SNTA1: variants seen among roughly 807,000 people sequenced by gnomAD.
SNTA1 encodes the protein alpha-1-syntrophin.
SNTA1 carries 31 observed loss-of-function variants against 47.1 expected under a neutral mutation model. The observed-to-expected ratio is 0.66, with a 90% CI of 0.49 to 0.89. The LOEUF is 0.89. Ranked by LOEUF, SNTA1 falls within the 40% of genes least tolerant of loss-of-function variation. The probability of loss-of-function intolerance (pLI) is 0.00; values close to 1 mark genes in which losing one functional copy is unlikely to be tolerated. For synonymous variants in SNTA1, 300 were observed against 313.6 expected (o/e 0.96, Z 0.46); for missense variants, 575 against 693.0 (o/e 0.83, Z 1.91).
At position 33,410,273 on chromosome 20, in the gene SNTA1, C is replaced by A; in HGVS notation, c.1099G>T (p.Ala367Ser). The stretch of plus-strand genomic sequence containing the variant: ...CCGTGACGCGTGCCCGTGCGCAGGG[C>A]AAAAGAGAGCTCTGCATCGTAGGGC... ...SVPYDAELSF[A>S]LRTGTRHGVD... Residue 367 changes from alanine to serine, a missense_variant, in exon 6 of 8, where the codon GCC becomes TCC. Physicochemically the swap from Ala to Ser is moderately conservative, Grantham distance 99. Transcript: ENST00000217381. 6.2e-7 allele frequency: 1 copy of A among 1,612,338 alleles called. No homozygotes were observed. The highest frequency in any genetic ancestry group is 8.5e-7 in the Non-Finnish European group (1 of 1,179,698).
intron 2 of SNTA1, among the ~76,000 whole-genome samples, chr20:33,420,987 A>C (rs932983301): frequency 2.0e-5 from 3 of 151,616 alleles, no homozygotes; most frequent in Non-Finnish European, 4.4e-5. Flanking sequence ...CCGTCTCAAA[A>C]AAAAAAAAGA....
rs1190580612 is a variant in SNTA1 at position 33,408,764 on chromosome 20, C to T, written c.1362G>A (p.Gln454=). 1 of 1,614,100 alleles carries T rather than the reference C, an allele frequency of 6.2e-7. No homozygotes were observed. Among genetic ancestry groups the T allele is most frequent in the Non-Finnish European group, 8.5e-7 (1 of 1,180,050 alleles). Residue 454 remains glutamine, a synonymous_variant, in exon 7 of 8, where the codon CAG becomes CAA. Coordinates refer to ENST00000217381, the MANE Select transcript of SNTA1 (RefSeq NM_003098.3). The part of the protein sequence containing the change: ...VLLRQPFEKL[Q]MSSDDGASLL... ...GACTGGCACCGTCATCTGAAGACATCTGCAGCTTCTCGAAGGGCTGTCGCA... is the reference window on the plus strand; with the variant it reads ...GACTGGCACCGTCATCTGAAGACATTTGCAGCTTCTCGAAGGGCTGTCGCA...
intron 1 of SNTA1, among the ~76,000 whole-genome samples, chr20:33,442,985 T>G (rs1990613968): frequency 6.6e-6 from 1 of 152,002 alleles, no homozygotes; most frequent in South Asian, 2.1e-4. Context: ...CACACTCTGC[T>G]TTCCGGGGGA....
chr20:33,411,448 A>G (rs138126277), intron 5 of SNTA1, among the ~76,000 whole-genome samples: 138 of 151,966 alleles, frequency 9.1e-4, no homozygotes, highest in African/African-American at 3.2e-3. Flanking sequence ...GTGGTTTCCA[A>G]TGCCAATGCT....
chr20:33,433,086 C>T (rs291682), intron 2 of SNTA1, among the ~76,000 whole-genome samples: 91,004 of 151,158 alleles, frequency 0.6, 28,270 homozygotes, highest in South Asian at 0.69. Context: ...CCTGCCACCA[C>T]GCCCAGCTAA....
At chr20:33,435,765 G>A (rs1009081205) in intron 2 of SNTA1, among the ~76,000 whole-genome samples, 1 of 152,196 alleles carries the variant, frequency 6.6e-6, no homozygotes, top group Non-Finnish European at 1.5e-5. Context: ...GAGGAGGAAT[G>A]CATGACATGA....
chr20:33,426,929 G>T (rs1215140863), intron 2 of SNTA1, among the ~76,000 whole-genome samples: 1 of 151,750 alleles, frequency 6.6e-6, no homozygotes, highest in African/African-American at 2.4e-5. Flanking sequence ...CAGGTGTGGT[G>T]GTGCACACCT....
chr20:33,414,344 G>A (rs1989824758), intron 3 of SNTA1, among the ~76,000 whole-genome samples: 1 of 150,054 alleles, frequency 6.7e-6, no homozygotes, highest in East Asian at 2.0e-4. Context: ...TGTAATCCCA[G>A]CACTTTGGGA....
intron 3 of SNTA1, among the ~76,000 whole-genome samples, 187 bp from the exon 4 acceptor site, chr20:33,412,969 A>G (rs1989782150): frequency 6.6e-6 from 1 of 152,104 alleles, no homozygotes; most frequent in South Asian, 2.1e-4. Context: ...CATAGGAACA[A>G]GCGAGTGTGA....
intron 1 of SNTA1, 28 bp from the exon 2 acceptor site, chr20:33,439,054 C>T: frequency 6.2e-7 from 1 of 1,601,732 alleles, no homozygotes; most frequent in Non-Finnish European, 8.6e-7. Context: ...GAGGACAAGA[C>T]TTAGGCAGAT....
At chr20:33,415,406 C>G (rs1056228043) in intron 3 of SNTA1, among the ~76,000 whole-genome samples, 2 of 152,150 alleles carry the variant, frequency 1.3e-5, no homozygotes, top group African/African-American at 4.8e-5. Flanking sequence ...CCTGTAATCC[C>G]AGCACTTTGG....
At chr20:33,424,124 G>A (rs1013653258) in intron 2 of SNTA1, among the ~76,000 whole-genome samples, 2 of 151,964 alleles carry the variant, frequency 1.3e-5, no homozygotes, top group African/African-American at 4.8e-5. Context: ...AGACCAGCCT[G>A]ACCAACATGG....
At position 33,443,535 on chromosome 20, in the gene SNTA1, T is replaced by C; in HGVS notation, c.86A>G (p.Gln29Arg). ...AGSGAGGERW[Q>R]RVLLSLAEDV... Reference sequence around the variant, plus strand: ...CTCCGCCAGACTCAGCAGCACCCGCTGCCATCGCTCGCCGCCGGCCCCCGA... The same window carrying C: ...CTCCGCCAGACTCAGCAGCACCCGCCGCCATCGCTCGCCGCCGGCCCCCGA... The change falls in exon 1 of 8, where the codon CAG (glutamine) becomes CGG (arginine). Residue 29 changes from glutamine (Q) to arginine (R), a missense_variant. By Grantham distance (43) the Gln-to-Arg change is conservative. Transcript: ENST00000217381. 3 of 1,347,414 alleles carry C rather than the reference T, an allele frequency of 2.2e-6. No homozygotes were observed. Among genetic ancestry groups the C allele is most frequent in the Non-Finnish European group, 2.9e-6 (3 of 1,042,404 alleles). 83.5% of individuals were successfully genotyped at this position (1,347,414 alleles called of 1,614,324 possible). A position where few individuals can be genotyped will look rare whatever the true frequency, so the allele number is the denominator to read the frequency against.
At chr20:33,435,574 C>T (rs149236) in intron 2 of SNTA1, among the ~76,000 whole-genome samples, 89,294 of 151,848 alleles carry the variant, frequency 0.59, 27,499 homozygotes, top group South Asian at 0.69. Context: ...GCCTGGGCAA[C>T]AGAGTGAGAC....
rs771369802 is a variant in SNTA1 at position 33,410,167 on chromosome 20, C to T, written c.1205G>A (p.Arg402Gln). 1.9e-5 allele frequency: 31 copies of T among 1,614,082 alleles called. No homozygotes were observed. The highest frequency in any genetic ancestry group is 4.4e-5 in the South Asian group (4 of 91,088). The change falls in exon 6 of 8, where the codon CGG becomes CAG. Residue 402 changes from arginine to glutamine, a missense_variant. Transcript: ENST00000217381. ...WTRQLVDGCH[R>Q]AAEGVQEVST... Reference sequence around the variant, plus strand: ...CACCTCCTGCACACCCTCGGCGGCCCGGTGACAGCCATCCACAAGCTGGCG... The same window carrying T: ...CACCTCCTGCACACCCTCGGCGGCCTGGTGACAGCCATCCACAAGCTGGCG...
intron 2 of SNTA1, among the ~76,000 whole-genome samples, chr20:33,424,834 A>G (rs2146785283): frequency 6.7e-6 from 1 of 149,470 alleles, no homozygotes; most frequent in East Asian, 2.1e-4. Context: ...TTTAAAAACT[A>G]GGCCGGGCAC....
intron 1 of SNTA1, among the ~76,000 whole-genome samples, chr20:33,440,458 AAAATAAAT>A (rs142458129): frequency 6.6e-6 from 1 of 151,866 alleles, no homozygotes; most frequent in African/African-American, 2.4e-5. Context: ...TCCATCTCAA[AAAATAAAT>A]AAATAAATAA....
rs562782985 is a variant in SNTA1, at chr20:33,443,699, A to G, written c.-79T>C. The G allele has an allele frequency of 1.5e-4, 146 of 947,098 alleles. No individual in the cohort carries two copies. In the African/African-American group the frequency reaches 2.4e-3, roughly 16 times the overall value. 58.7% of individuals were successfully genotyped at this position (947,098 alleles called of 1,614,324 possible). ...CCCGCTCCGACCAAGCGCCCAGGGC[A>G]GAGGGCAGCGGGGGCCCGGCTGGGC... On this transcript the variant is annotated 5_prime_UTR_variant, in exon 1 of 8. Coordinates refer to ENST00000217381, the MANE Select transcript of SNTA1 (RefSeq NM_003098.3).
chr20:33,438,106 G>T (rs138921159), intron 2 of SNTA1, among the ~76,000 whole-genome samples: 7,995 of 152,180 alleles, frequency 0.053, 714 homozygotes, highest in African/African-American at 0.18. Context: ...TTCAAGACTA[G>T]CCTGGCCAAC....
Sources: allele counts gnomAD v4.1 joint callset (sites outside exome capture counted in the v4.1 genomes callset), GRCh38; gene constraint gnomAD v4.1.1; transcripts MANE v1.5; gene names NCBI Gene and HGNC (gene_info 2026-07-23, HGNC 2026-07-21).